Variants in DIP2C observed in about 807,000 individuals in gnomAD.
The protein encoded by DIP2C is disco-interacting protein 2 homolog C.
Under a neutral mutation model 192.4 loss-of-function variants are expected in DIP2C, and 33 were observed. The ratio of observed to expected loss-of-function variants is 0.17; its 90% CI spans 0.13 to 0.23. DIP2C has a LOEUF of 0.23. DIP2C is among the 10% of genes least tolerant of loss of function. DIP2C has a pLI of 1.00. For synonymous variants in DIP2C, 979 were observed against 864.1 expected, an observed-to-expected ratio of 1.13 and a Z score of -2.33; for missense variants, 1,537 against 2,110.1, an observed-to-expected ratio of 0.73 and a Z score of 5.32.
rs1475759671 is a variant in DIP2C at position 449,931 on chromosome 10, AAAAAAG to A, written c.269-8941_269-8936del. 6.3e-3 allele frequency among the ~76,000 whole-genome samples: 942 copies of A among 148,710 alleles called. 15 individuals carry two copies. Among genetic ancestry groups the A allele is most frequent in the African/African-American group, 0.023 (904 of 38,498 alleles). On this transcript the variant is annotated intron_variant, in intron 3 of 36. Transcript: ENST00000280886. ...TCAGTCAACAACAACAAAAAAAAAA[AAAAAAG>A]AAAATCTGAGAACAAGATATCATTG...
At chr10:431,133 T>C (rs1470889654) in intron 4 of DIP2C, among the ~76,000 whole-genome samples, 3 of 152,254 alleles carry the variant, frequency 2.0e-5, no homozygotes, top group African/African-American at 7.2e-5. Context: ...GTCTTGAAGT[T>C]GCATAGTGTC....
At chr10:394,195 A>AGGCAGAGCC (rs1430626713) in intron 10 of DIP2C, among the ~76,000 whole-genome samples, 1 of 152,270 alleles carries the variant, frequency 6.6e-6, no homozygotes, top group Non-Finnish European at 1.5e-5. Context: ...GATGCAGAGC[A>AGGCAGAGCC]GGCAGAGCCG....
intron 1 of DIP2C, among the ~76,000 whole-genome samples, chr10:580,792 T>C (rs955876806): frequency 6.6e-6 from 1 of 152,198 alleles, no homozygotes; most frequent in African/African-American, 2.4e-5. Context: ...ATAATTTTCA[T>C]GAATAAAGCT....
At chr10:679,908 G>T (rs1450733567) in intron 1 of DIP2C, among the ~76,000 whole-genome samples, 8 of 152,212 alleles carry the variant, frequency 5.3e-5, no homozygotes, top group Admixed American at 3.3e-4. Context: ...AAAATAAATG[G>T]AGGACCACAT....
chr10:357,777 CA>C (rs1564609584), intron 23 of DIP2C, 50 bp downstream of exon 23: 1 of 1,412,458 alleles, frequency 7.1e-7, no homozygotes, highest in Non-Finnish European at 9.9e-7. Context: ...TGGTCGGGGA[CA>C]GTCGGAAAAG....
At chr10:423,605 C>T (rs549422858) in intron 4 of DIP2C, among the ~76,000 whole-genome samples, 1 of 151,862 alleles carries the variant, frequency 6.6e-6, no homozygotes, top group African/African-American at 2.4e-5. Context: ...ATTTCTACAT[C>T]AGTGTGTTAG....
At chr10:432,612 G>C (rs980993775) in intron 4 of DIP2C, among the ~76,000 whole-genome samples, 2 of 152,220 alleles carry the variant, frequency 1.3e-5, no homozygotes, top group Middle Eastern at 6.8e-3. Flanking sequence ...CAAAGAACCA[G>C]CTGTTGGTTT....
chr10:357,666 A>G (rs185126406), intron 23 of DIP2C, among the ~76,000 whole-genome samples, 162 bp downstream of exon 23: 1 of 152,156 alleles, frequency 6.6e-6, no homozygotes, highest in Non-Finnish European at 1.5e-5. Context: ...GACTGTCGGG[A>G]AAGTCGGGGA....
intron 17 of DIP2C, among the ~76,000 whole-genome samples, chr10:379,087 C>T (rs544236807): frequency 4.0e-5 from 6 of 151,712 alleles, no homozygotes; most frequent in East Asian, 2.0e-4. Context: ...CTGCCTGCAG[C>T]GCTGGGCAAC....
In DIP2C at chr10:670,713, G is replaced by A. The variant is rs138284897; in HGVS notation, c.85+18781C>T. 1.6e-4 allele frequency among the ~76,000 whole-genome samples: 25 copies of A among 152,048 alleles called. 2 individuals are homozygous for A. The East Asian group carries it at 4.8e-3, about 29-fold the overall frequency. On this transcript the variant is annotated intron_variant, in intron 1 of 36. Coordinates refer to ENST00000280886, the MANE Select transcript of DIP2C (RefSeq NM_014974.3). ...AATCACTAAATAACTTCCTTTCAAG[G>A]GTCTAAAAATATAAGATAACAAAAG... is the stretch of plus-strand genomic sequence containing the variant.
chr10:481,772 T>C (rs1440433561), intron 2 of DIP2C, among the ~76,000 whole-genome samples: 3 of 152,094 alleles, frequency 2.0e-5, no homozygotes, highest in African/African-American at 7.2e-5. Context: ...ACACTGCACA[T>C]CCATCCTCGT....
At position 651,572 on chromosome 10, in the gene DIP2C, A is replaced by T; in HGVS notation, c.85+37922T>A. 1.2e-5 allele frequency: 5 copies of T among 403,616 alleles called. No homozygotes were observed. The highest frequency in any genetic ancestry group is 2.4e-5 in the Non-Finnish European group (5 of 212,248). The allele number at this position is 403,616 out of a possible 1,614,324, so 25.0% of individuals were successfully genotyped here. ...AGTGCCTTTCCAGTTAAATGTTGTT[A>T]AGCAGTATTTCCCCCAAAAGGTGCA... On this transcript the variant is annotated intron_variant, in intron 1 of 36. Coordinates refer to ENST00000280886, the MANE Select transcript of DIP2C (RefSeq NM_014974.3). This position sits in a 1 kb window ranked among gnomAD's most constrained non-coding sequence, Gnocchi z 4.1.
At chr10:358,829 G>C (rs1447801974) in intron 22 of DIP2C, among the ~76,000 whole-genome samples, 1 of 101,026 alleles carries the variant, frequency 9.9e-6, no homozygotes, top group African/African-American at 3.9e-5. Flanking sequence ...AGGGGGCAGA[G>C]GGATGGGGGA....
chr10:523,685 ACT>A (rs10559821), intron 1 of DIP2C, among the ~76,000 whole-genome samples: 31,429 of 139,508 alleles, frequency 0.23, 2,153 homozygotes, highest in African/African-American at 0.42. Flanking sequence ...CGATGCAGGG[ACT>A]CTGTGTCACC....
intron 1 of DIP2C, among the ~76,000 whole-genome samples, chr10:601,878 T>TA (rs754396459): frequency 2.0e-3 from 312 of 152,210 alleles, no homozygotes; most frequent in Non-Finnish European, 3.3e-3. Context: ...CAGGCTCGGG[T>TA]AAGGAGAGAA....
intron 1 of DIP2C, among the ~76,000 whole-genome samples, chr10:553,491 A>T (rs541851516): frequency 1.4e-4 from 21 of 152,220 alleles, no homozygotes; most frequent in Non-Finnish European, 1.5e-5. Context: ...AGGACCATAA[A>T]ATTTTGCGTG....
intron 1 of DIP2C, among the ~76,000 whole-genome samples, chr10:620,517 A>C (rs1042507963): frequency 2.6e-5 from 4 of 152,226 alleles, no homozygotes; most frequent in African/African-American, 9.6e-5. Context: ...CGTACTAAAG[A>C]AAAGTCCATT....
chr10:470,221 G>T (rs1021863096), intron 3 of DIP2C, among the ~76,000 whole-genome samples: 10 of 152,312 alleles, frequency 6.6e-5, no homozygotes, highest in African/African-American at 2.4e-4. Flanking sequence ...TGGTTATAAT[G>T]GCGATGGAGA....
At chr10:277,808 C>T (rs927841010) in intron 36 of DIP2C, among the ~76,000 whole-genome samples, 2 of 151,800 alleles carry the variant, frequency 1.3e-5, no homozygotes, top group African/African-American at 2.4e-5. Flanking sequence ...GTGGCTTCTG[C>T]GACTGTTTCA....
Sources: gnomAD v4.1 joint callset for allele counts (sites outside exome capture counted in the v4.1 genomes callset) on GRCh38, gnomAD v4.1.1 for gene constraint, Gnocchi (gnomAD v3.1) non-coding constraint, MANE v1.5 for transcripts, NCBI Gene and HGNC (gene_info 2026-07-23, HGNC 2026-07-21) for gene names.